The following LRP6 variants were observed in gnomAD, a reference collection of about 807,000 sequenced individuals.
LRP6 encodes the protein low-density lipoprotein receptor-related protein 6.
In LRP6, 43 loss-of-function variants were observed where a neutral mutation model predicts 184.1. That is an observed-to-expected ratio of 0.23 (90% CI 0.18 to 0.30). The LOEUF (loss-of-function observed/expected upper bound fraction) is 0.30. Ranked by LOEUF, LRP6 falls within the 10% of genes least tolerant of loss-of-function variation. LRP6 has a pLI of 1.00. For missense variants in LRP6, 1,571 were observed against 2,005.3 expected (o/e 0.78, Z 4.14); for synonymous variants, 719 against 684.9 (o/e 1.05, Z -0.78).
At chr12:12,149,423 G>A (rs1312576408) in intron 13 of LRP6, among the ~76,000 whole-genome samples, 1 of 152,142 alleles carries the variant, frequency 6.6e-6, no homozygotes, top group African/African-American at 2.4e-5. Context: ...TTGATTAAGA[G>A]ATGGGAGTGA....
In LRP6 at chr12:12,120,022, T is replaced by C. The variant is rs1426301837; in HGVS notation, c.*1104A>G. ...ATATATATATATATATATATATATATATATATATATATATATATATAAATG... is the reference window on the plus strand; with the variant it reads ...ATATATATATATATATATATATATACATATATATATATATATATATAAATG... On this transcript the variant is annotated 3_prime_UTR_variant, in exon 23 of 23. Transcript: ENST00000261349. 2 of 113,040 alleles carry C rather than the reference T, an allele frequency of 1.8e-5. No homozygotes were observed. Among genetic ancestry groups the C allele is most frequent in the East Asian group, 4.8e-4 (2 of 4,140 alleles). The allele number at this position is 113,040 out of a possible 1,614,324, so 7.0% of individuals were successfully genotyped here. A position where few individuals can be genotyped will look rare whatever the true frequency, so the allele number is the denominator to read the frequency against.
chr12:12,184,430 C>T (rs544651569), intron 4 of LRP6, among the ~76,000 whole-genome samples: 9 of 151,686 alleles, frequency 5.9e-5, no homozygotes, highest in African/African-American at 1.5e-4. Flanking sequence ...AAACTAAGTG[C>T]TATTTTGCAC....
At chr12:12,154,205 GACA>G (rs1311000435) in intron 12 of LRP6, among the ~76,000 whole-genome samples, 1 of 151,932 alleles carries the variant, frequency 6.6e-6, no homozygotes, top group Non-Finnish European at 1.5e-5. Context: ...TAACATGTCG[GACA>G]TGTTCCCCCA....
At chr12:12,225,943 G>C (rs1864612170) in intron 2 of LRP6, among the ~76,000 whole-genome samples, 1 of 151,530 alleles carries the variant, frequency 6.6e-6, no homozygotes. Flanking sequence ...TTCTTGTAAA[G>C]CTATAGTACT....
At chr12:12,217,288 G>A (rs1006953865) in intron 2 of LRP6, among the ~76,000 whole-genome samples, 3 of 151,804 alleles carry the variant, frequency 2.0e-5, no homozygotes, top group Admixed American at 6.6e-5. Flanking sequence ...TCTAGGTTGC[G>A]TGCTCCTTAT....
chr12:12,249,283 T>C, intron 1 of LRP6: 8 of 1,074,070 alleles, frequency 7.4e-6, no homozygotes, highest in Non-Finnish European at 1.1e-5. Context: ...TTCTAATGGA[T>C]TGGTGGACCC....
intron 7 of LRP6, among the ~76,000 whole-genome samples, chr12:12,168,013 T>A (rs1267643990): frequency 6.6e-6 from 1 of 152,220 alleles, no homozygotes; most frequent in Non-Finnish European, 1.5e-5. Context: ...TATTGTTTAC[T>A]TTTGCTAGTT....
Position 12,244,344 on chromosome 12 carries a change from T to C in LRP6, c.367A>G (p.Asn123Asp), listed in dbSNP as rs373991728. 5 of 1,614,060 alleles carry C rather than the reference T, an allele frequency of 3.1e-6. No individual in the cohort carries two copies. In the African/African-American group the frequency reaches 5.3e-5, roughly 17 times the overall value. ...DSETNRIEVS[N>D]LDGSLRKVLF... ...ACTTTTCGTAAAGATCCATCTAAAT[T>C]AGAAACTTCAATCCGATTAGTTTCA... is the stretch of plus-strand genomic sequence containing the variant. Residue 123 changes from asparagine (N) to aspartate (D), a missense_variant, in exon 2 of 23, where the codon AAT (asparagine) becomes GAT (aspartate). Physicochemically the swap from Asn to Asp is conservative, Grantham distance 23. Around this residue, in one of 4 missense-constraint regions of LRP6, gnomAD observed 640 missense variants for 851.9 expected, o/e 0.75. Transcript: ENST00000261349.
At chr12:12,199,190 C>A (rs1863849345) in intron 3 of LRP6, among the ~76,000 whole-genome samples, 2 of 151,580 alleles carry the variant, frequency 1.3e-5, no homozygotes, top group Admixed American at 6.6e-5. Context: ...CTGAATTGAA[C>A]CTTTGGCACT....
chr12:12,171,199 T>A (rs1863028756), intron 7 of LRP6, among the ~76,000 whole-genome samples: 1 of 152,116 alleles, frequency 6.6e-6, no homozygotes, highest in Admixed American at 6.5e-5. Flanking sequence ...ATAATAATGA[T>A]GATGATAACT....
At chr12:12,138,784 G>C in intron 15 of LRP6, 2 of 1,476,524 alleles carry the variant, frequency 1.4e-6, no homozygotes, top group Non-Finnish European at 1.8e-6. Flanking sequence ...TAGAAATGTA[G>C]AAAAGAACTT....
chr12:12,138,526 G>A lies in LRP6; in HGVS notation c.3406C>T (p.Arg1136Trp), dbSNP rs140962861. ...IESSDLSGANRIVLEDSNILQ... is the reference protein window; with the variant it reads ...IESSDLSGANWIVLEDSNILQ... ...ATATTGGAGTCTTCTAATACTATCC[G>A]GTTAGCACCTTGGAAAAGGAGAAAA... is the stretch of plus-strand genomic sequence containing the variant. The change falls in exon 16 of 23, where the codon CGG becomes TGG. Residue 1136 changes from arginine (R) to tryptophan (W), a missense_variant. Physicochemically the swap from Arg to Trp is moderately radical, Grantham distance 101. This residue lies in a region of LRP6 where 763 missense variants were observed against 859.5 expected (regional missense o/e 0.89). Coordinates refer to ENST00000261349, the MANE Select transcript of LRP6 (RefSeq NM_002336.3). The A allele has an allele frequency of 2.0e-4, 324 of 1,613,302 alleles. No homozygotes were observed. Among genetic ancestry groups the A allele is most frequent in the Non-Finnish European group, 2.5e-4 (298 of 1,179,530 alleles).
chr12:12,171,987 C>T (rs1863059136), intron 7 of LRP6, among the ~76,000 whole-genome samples: 1 of 152,156 alleles, frequency 6.6e-6, no homozygotes, highest in Non-Finnish European at 1.5e-5. Context: ...CTGGCAAAAG[C>T]TTGTTTGTAT....
chr12:12,202,790 T>A (rs1231826751), intron 3 of LRP6, among the ~76,000 whole-genome samples: 1 of 152,212 alleles, frequency 6.6e-6, no homozygotes, highest in Non-Finnish European at 1.5e-5. Flanking sequence ...GGACACTCTT[T>A]GTTGTACTGA....
intron 19 of LRP6, among the ~76,000 whole-genome samples, chr12:12,129,794 C>T (rs1591865388): frequency 6.6e-6 from 1 of 152,150 alleles, no homozygotes; most frequent in Non-Finnish European, 1.5e-5. Flanking sequence ...TCGTGATCTG[C>T]CCACATTGGC....
intron 3 of LRP6, among the ~76,000 whole-genome samples, chr12:12,191,176 C>T (rs1183665182): frequency 2.0e-5 from 3 of 152,158 alleles, no homozygotes; most frequent in Non-Finnish European, 4.4e-5. Context: ...ATGAATTCAT[C>T]GTCAGGCACT....
At chr12:12,217,933 A>G (rs765604203) in intron 2 of LRP6, among the ~76,000 whole-genome samples, 16 of 152,252 alleles carry the variant, frequency 1.1e-4, no homozygotes, top group Non-Finnish European at 2.2e-4. Context: ...CTCTTAGAAG[A>G]CAATGAGTAA....
Position 12,129,628 on chromosome 12 carries a change from C to A in LRP6, c.4081+1155G>T, listed in dbSNP as rs183120464. Among the ~76,000 whole-genome samples the A allele has an allele frequency of 3.6e-4, 55 of 152,186 alleles. No homozygotes were observed. In the East Asian group the frequency reaches 0.01, roughly 28 times the overall value. On this transcript the variant is annotated intron_variant, in intron 19 of 22. Transcript: ENST00000261349. ...AGTACAATGGCACGATCTCGGCTCA[C>A]TGCAACCTCCACCTCCCGGGTTCAA... is the stretch of plus-strand genomic sequence containing the variant.
intron 2 of LRP6, among the ~76,000 whole-genome samples, chr12:12,223,538 T>C (rs1864542827): frequency 6.6e-6 from 1 of 152,230 alleles, no homozygotes; most frequent in African/African-American, 2.4e-5. Flanking sequence ...ACAATATGAC[T>C]GGTAATACAT....
Sources: allele counts gnomAD v4.1 joint callset (sites outside exome capture counted in the v4.1 genomes callset), GRCh38; gene constraint gnomAD v4.1.1; regional missense constraint gnomAD v4.1.1; transcripts MANE v1.5; gene names NCBI Gene and HGNC (gene_info 2026-07-23, HGNC 2026-07-21).